Variants in HYKK observed in about 807,000 individuals in gnomAD.
The protein encoded by HYKK is 5-hydroxy-L-lysine kinase.
HYKK carries 19 observed loss-of-function variants against 29.7 expected under a neutral mutation model. That is an observed-to-expected ratio of 0.64 (90% CI 0.45 to 0.94). The LOEUF (loss-of-function observed/expected upper bound fraction) is 0.94, where lower values mean the gene tolerates loss of function less well. HYKK is among the 40% of genes least tolerant of loss of function. HYKK has a pLI of 0.00. For synonymous variants in HYKK, 152 were observed against 158.1 expected, an observed-to-expected ratio of 0.96 and a Z score of 0.29; for missense variants, 390 against 443.4, an observed-to-expected ratio of 0.88 and a Z score of 1.08.
At chr15:78,508,381 G>C (rs1183395590) in intron 1 of HYKK, among the ~76,000 whole-genome samples, 7 of 152,218 alleles carry the variant, frequency 4.6e-5, no homozygotes, top group Admixed American at 4.6e-4. Flanking sequence ...AGAGTTGGAA[G>C]ACATGCTAAG....
intron 3 of HYKK, chr15:78,518,550 T>C (rs1316914931): frequency 2.9e-5 from 13 of 455,710 alleles, no homozygotes; most frequent in Admixed American, 1.4e-4. Context: ...AACCAGTGTT[T>C]AACGTATTTT....
At chr15:78,507,861 C>T (rs1222431457) in intron 1 of HYKK, among the ~76,000 whole-genome samples, 190 bp downstream of exon 1, 1 of 152,204 alleles carries the variant, frequency 6.6e-6, no homozygotes, top group Non-Finnish European at 1.5e-5. Flanking sequence ...CCGGACCTCA[C>T]CTGTAACCTA....
intron 4 of HYKK, chr15:78,528,802 A>C (rs77954979): frequency 1.2e-5 from 4 of 323,214 alleles, no homozygotes; most frequent in African/African-American, 3.1e-5. Context: ...ATCCGTCTCC[A>C]AAAAAAAAAA....
Position 78,535,021 on chromosome 15 carries a change from T to C in HYKK, c.*1351T>C, listed in dbSNP as rs547862115. On this transcript the variant is annotated 3_prime_UTR_variant, in exon 5 of 5. Coordinates refer to ENST00000388988, the MANE Select transcript of HYKK (RefSeq NM_001013619.4). ...CACTGGTTTCTCGTCATGTCTCCTT[T>C]AGTATGATTTAGTAAATGGCTGTTT... The C allele has an allele frequency of 7.2e-5, 11 of 152,230 alleles. No individual in the cohort carries two copies. The highest frequency in any genetic ancestry group is 1.3e-4 in the Non-Finnish European group (9 of 68,052). The allele number at this position is 152,230 out of a possible 1,614,324, so 9.4% of individuals were successfully genotyped here. A position where few individuals can be genotyped will look rare whatever the true frequency, so the allele number is the denominator to read the frequency against.
At chr15:78,525,836 G>A (rs554251966) in intron 3 of HYKK, among the ~76,000 whole-genome samples, 17 of 152,340 alleles carry the variant, frequency 1.1e-4, no homozygotes, top group African/African-American at 3.8e-4. Flanking sequence ...TATGTCACAT[G>A]TAATGGTCTA....
chr15:78,529,072 A>G (rs374591328), intron 4 of HYKK, among the ~76,000 whole-genome samples: 2 of 152,164 alleles, frequency 1.3e-5, no homozygotes, highest in Non-Finnish European at 1.5e-5. Flanking sequence ...ATCCAGTCAA[A>G]TTCTATCCAT....
At chr15:78,530,059 C>T (rs985584500) in intron 4 of HYKK, among the ~76,000 whole-genome samples, 4 of 152,106 alleles carry the variant, frequency 2.6e-5, no homozygotes, top group African/African-American at 9.7e-5. Flanking sequence ...TGGCCTCAAA[C>T]TCCTGGGCTC....
intron 3 of HYKK, among the ~76,000 whole-genome samples, chr15:78,526,511 G>A (rs960955485): frequency 6.6e-6 from 1 of 152,180 alleles, no homozygotes; most frequent in African/African-American, 2.4e-5. Flanking sequence ...CTAACCATGT[G>A]GATATCTGGT....
intron 1 of HYKK, among the ~76,000 whole-genome samples, chr15:78,509,777 A>G (rs140541483): frequency 1.3e-5 from 2 of 152,392 alleles, no homozygotes; most frequent in African/African-American, 4.8e-5. Context: ...TTTCAAGTGC[A>G]AAGATTGTTT....
chr15:78,522,069 C>A (rs2052202906), intron 3 of HYKK, among the ~76,000 whole-genome samples: 1 of 151,858 alleles, frequency 6.6e-6, no homozygotes, highest in Admixed American at 6.6e-5. Flanking sequence ...CACAGCCTCC[C>A]AACTAGTTGG....
rs1252717548 is a variant in HYKK, at chr15:78,533,776, G to A, written c.*106G>A. On this transcript the variant is annotated 3_prime_UTR_variant, in exon 5 of 5. Coordinates refer to ENST00000388988, the MANE Select transcript of HYKK (RefSeq NM_001013619.4). ...CCTGCATAGTTAAAAATCAACTGAT[G>A]GAATGGATCAATTCTGAATATGACA... is the stretch of plus-strand genomic sequence containing the variant. 4 of 736,004 alleles carry A rather than the reference G, an allele frequency of 5.4e-6. No individual in the cohort carries two copies. The African/African-American group carries it at 7.1e-5, about 13-fold the overall frequency. 45.6% of individuals were successfully genotyped at this position (736,004 alleles called of 1,614,324 possible).
In HYKK at chr15:78,527,285, C is replaced by CAA. The variant is rs564443255; in HGVS notation, c.478-76_478-75dup. 9.7e-3 allele frequency: 7,311 copies of CAA among 757,570 alleles called. 2 individuals carry two copies. The highest frequency in any genetic ancestry group is 0.012 in the Non-Finnish European group (6,027 of 512,554). The allele number at this position is 757,570 out of a possible 1,614,324, so 46.9% of individuals were successfully genotyped here. ...TGGGCGGCAGAGTAAGACTCTGTCTCAAAAAAAAAAAAAAAAAAAATGTGC... is the reference window on the plus strand; with the variant it reads ...TGGGCGGCAGAGTAAGACTCTGTCTCAAAAAAAAAAAAAAAAAAAAAATGTGC... On this transcript the variant is annotated intron_variant, in intron 3 of 4. Transcript: ENST00000388988.
At chr15:78,514,513 T>C (rs1050907243) in intron 2 of HYKK, among the ~76,000 whole-genome samples, 1 of 152,240 alleles carries the variant, frequency 6.6e-6, no homozygotes, top group Admixed American at 6.5e-5. Context: ...ACACAGTTAT[T>C]GTCCTGTGTT....
chr15:78,526,851 G>A (rs905837596), intron 3 of HYKK, among the ~76,000 whole-genome samples: 2 of 152,216 alleles, frequency 1.3e-5, no homozygotes, highest in African/African-American at 4.8e-5. Flanking sequence ...AATGGGGCAA[G>A]TCAATGACCA....
chr15:78,525,356 C>T (rs967311096), intron 3 of HYKK, among the ~76,000 whole-genome samples: 2 of 151,898 alleles, frequency 1.3e-5, no homozygotes, highest in Non-Finnish European at 2.9e-5. Flanking sequence ...TGTGGTTTCA[C>T]CATGTTAGCC....
rs753135899 is a variant in HYKK at position 78,533,530 on chromosome 15, C to A, written c.982C>A (p.Pro328Thr). The change falls in exon 5 of 5, where the codon CCA becomes ACA. Residue 328 changes from proline to threonine, a missense_variant. Physicochemically the swap from Pro to Thr is conservative, Grantham distance 38 (BLOSUM62 -1). Transcript: ENST00000388988. The part of the protein sequence containing the change: ...VMAAYSCQLY[P>T]ENKDYLMVTA... ...GGCTGCATACTCTTGCCAGCTATAC[C>A]CAGAGAACAAAGACTATCTCATGGT... is the stretch of plus-strand genomic sequence containing the variant. 1.9e-6 allele frequency: 3 copies of A among 1,614,092 alleles called. No individual in the cohort carries two copies. Among genetic ancestry groups the A allele is most frequent in the Non-Finnish European group, 2.5e-6 (3 of 1,180,014 alleles).
chr15:78,533,511 A>T lies in HYKK; in HGVS notation c.963A>T (p.Ala321=). The T allele has an allele frequency of 6.2e-7, 1 of 1,614,228 alleles. No individual in the cohort carries two copies. Among genetic ancestry groups the T allele is most frequent in the African/African-American group, 1.3e-5 (1 of 75,066 alleles). Residue 321 remains alanine (A), a synonymous_variant, in exon 5 of 5, where the codon GCA becomes GCT. Coordinates refer to ENST00000388988, the MANE Select transcript of HYKK (RefSeq NM_001013619.4). ...TTTGTCAGTCACTTGTCATGGCTGCATACTCTTGCCAGCTATACCCAGAGA... is the reference window on the plus strand; with the variant it reads ...TTTGTCAGTCACTTGTCATGGCTGCTTACTCTTGCCAGCTATACCCAGAGA... The part of the protein sequence containing the change: ...SRFCQSLVMA[A]YSCQLYPENK...
chr15:78,517,350 G>A (rs562597012), intron 3 of HYKK, among the ~76,000 whole-genome samples: 22 of 152,130 alleles, frequency 1.4e-4, no homozygotes, highest in African/African-American at 4.3e-4. Context: ...TGAGGCAGGC[G>A]GATCACTTGA....
intron 3 of HYKK, among the ~76,000 whole-genome samples, chr15:78,526,836 A>C (rs117039672): frequency 9.8e-5 from 15 of 152,308 alleles, no homozygotes; most frequent in Admixed American, 2.0e-4. Flanking sequence ...TTGTGAGTTA[A>C]AGTAAATGGG....
Sources: gnomAD v4.1 joint callset for allele counts (sites outside exome capture counted in the v4.1 genomes callset) on GRCh38, gnomAD v4.1.1 for gene constraint, MANE v1.5 for transcripts, NCBI Gene and HGNC (gene_info 2026-07-23, HGNC 2026-07-21) for gene names.